Variants in AK8 observed in about 807,000 individuals in gnomAD.
The protein encoded by AK8 is adenylate kinase 8, also known as ATP-AMP transphosphorylase 8.
Under a neutral mutation model 54.6 loss-of-function variants are expected in AK8, and 44 were observed. The ratio of observed to expected loss-of-function variants is 0.81; its 90% confidence interval spans 0.63 to 1.04. The LOEUF is 1.04. Among genes scored for constraint, AK8 ranks in the 50% least tolerant of loss-of-function variants. The probability of loss-of-function intolerance (pLI) is 0.00; values close to 1 mark genes in which losing one functional copy is unlikely to be tolerated. For missense variants in AK8, 555 were observed against 613.6 expected, an observed-to-expected ratio of 0.90 and a Z score of 1.01; for synonymous variants, 239 against 245.6, an observed-to-expected ratio of 0.97 and a Z score of 0.25.
chr9:132,871,754 G>A (rs1185106156), intron 2 of AK8, among the ~76,000 whole-genome samples: 1 of 152,242 alleles, frequency 6.6e-6, no homozygotes, highest in African/African-American at 2.4e-5. Flanking sequence ...ACCTTCGGAT[G>A]AAGGGAAAGG....
At chr9:132,742,464 G>A (rs1249530785) in intron 11 of AK8, among the ~76,000 whole-genome samples, 1 of 152,178 alleles carries the variant, frequency 6.6e-6, no homozygotes, top group East Asian at 1.9e-4. Context: ...GAGCCACGGT[G>A]CTAGCCAACC....
rs1371552920 is a variant in AK8, at chr9:132,860,099, G to A, written c.333+3566C>T. On this transcript the variant is annotated intron_variant, in intron 4 of 12. Transcript: ENST00000298545. This position sits in a 1 kb window ranked among gnomAD's most constrained non-coding sequence, Gnocchi z 4.4. ...TCAGGGGAGCCAGTCGCCAGCCAATGACCTTGGCTGGTGTCCAGGGACAGC... is the reference window on the plus strand; with the variant it reads ...TCAGGGGAGCCAGTCGCCAGCCAATAACCTTGGCTGGTGTCCAGGGACAGC... Among the ~76,000 whole-genome samples, 1 of 152,094 alleles carries A rather than the reference G, an allele frequency of 6.6e-6. No individual in the cohort carries two copies. Among genetic ancestry groups the A allele is most frequent in the African/African-American group, 2.4e-5 (1 of 41,406 alleles).
intron 11 of AK8, among the ~76,000 whole-genome samples, chr9:132,758,783 T>C (rs778942028): frequency 2.6e-5 from 4 of 152,134 alleles, no homozygotes; most frequent in Non-Finnish European, 5.9e-5. Flanking sequence ...TTAGCAACTT[T>C]TTCTGTTTTT....
Position 132,792,614 on chromosome 9 carries a change from G to C in AK8, c.1121+20C>G. 1 of 1,548,664 alleles carries C rather than the reference G, an allele frequency of 6.5e-7. No homozygotes were observed. The highest frequency in any genetic ancestry group is 1.4e-5 in the African/African-American group (1 of 73,348). ...CCCAGGGGCTTGGCCAGGGCTGCTGGCTTGGCTGGGGCAGCTCACCTGTTG... is the reference window on the plus strand; with the variant it reads ...CCCAGGGGCTTGGCCAGGGCTGCTGCCTTGGCTGGGGCAGCTCACCTGTTG... On this transcript the variant is annotated intron_variant, in intron 11 of 12. Transcript: ENST00000298545.
At chr9:132,731,218 T>A (rs1836829028) in intron 11 of AK8, among the ~76,000 whole-genome samples, 1 of 152,250 alleles carries the variant, frequency 6.6e-6, no homozygotes, top group Middle Eastern at 3.2e-3. Flanking sequence ...TTGTGTGTTT[T>A]CAGCAGTGCC....
intron 1 of AK8, among the ~76,000 whole-genome samples, chr9:132,876,912 AC>A (rs199918653): frequency 0.016 from 2,412 of 152,036 alleles, 30 homozygotes; most frequent in Middle Eastern, 0.041. Context: ...TAAAAAAAAA[AC>A]ATTAGCCAGG....
At chr9:132,740,046 C>G (rs1250535844) in intron 11 of AK8, among the ~76,000 whole-genome samples, 3 of 152,256 alleles carry the variant, frequency 2.0e-5, no homozygotes, top group South Asian at 2.1e-4. Context: ...TAGTAAATTT[C>G]AAGCTGCCAA....
intron 9 of AK8, among the ~76,000 whole-genome samples, chr9:132,821,270 ACG>A (rs1564420672): frequency 6.6e-6 from 1 of 151,742 alleles, no homozygotes; most frequent in Non-Finnish European, 1.5e-5. Context: ...GTGCCCCTCC[ACG>A]CTCACTCTGT....
chr9:132,767,694 T>C (rs1245869587), intron 11 of AK8, among the ~76,000 whole-genome samples: 1 of 152,220 alleles, frequency 6.6e-6, no homozygotes, highest in Non-Finnish European at 1.5e-5. Flanking sequence ...AGCCAAGATA[T>C]GGAATCAACC....
At chr9:132,821,598 G>T (rs377664631) in intron 9 of AK8, among the ~76,000 whole-genome samples, 1 of 151,676 alleles carries the variant, frequency 6.6e-6, no homozygotes, top group Admixed American at 6.6e-5. Flanking sequence ...TGGTCTCAGT[G>T]GCTTTAGAAT....
intron 10 of AK8, among the ~76,000 whole-genome samples, chr9:132,798,198 G>A (rs530519623): frequency 3.3e-5 from 5 of 152,316 alleles, no homozygotes; most frequent in African/African-American, 1.2e-4. Flanking sequence ...ACGCAGGGTT[G>A]AGGAGTGAGG....
chr9:132,812,592 G>C (rs1228607641), intron 10 of AK8, among the ~76,000 whole-genome samples: 1 of 4,222 alleles, frequency 2.4e-4, no homozygotes, highest in African/African-American at 9.3e-4. Context: ...AAGAGCAGCA[G>C]CTGCCTGTGG....
chr9:132,735,143 G>T (rs774670561), intron 11 of AK8, among the ~76,000 whole-genome samples: 2 of 152,172 alleles, frequency 1.3e-5, no homozygotes, highest in African/African-American at 4.8e-5. Flanking sequence ...GAGCTGAGGG[G>T]TTCATACTCT....
rs1843620705 is a variant in AK8 at position 132,866,847 on chromosome 9, G to A, written c.219+57C>T. ...TTCACGGAGGTGCAGTCTCATTCCA[G>A]CTCTGGAGGATCAATGAGATATTAC... On this transcript the variant is annotated intron_variant, in intron 3 of 12. Transcript: ENST00000298545. The A allele has an allele frequency of 3.3e-6, 5 of 1,528,566 alleles. 1 individual carries two copies. The Admixed American group carries it at 6.7e-5, about 20-fold the overall frequency. The allele number at this position is 1,528,566 out of a possible 1,614,324, so 94.7% of individuals were successfully genotyped here. A position where few individuals can be genotyped will look rare whatever the true frequency, so the allele number is the denominator to read the frequency against.
At position 132,823,356 on chromosome 9, in the gene AK8, G is replaced by A; in HGVS notation, c.758-20C>T. Reference sequence around the variant, plus strand: ...TCAGAGCTGGAAAGAGAGGATATGAGGATAATAAACCCAGGTCCTAGAGAA... The same window carrying A: ...TCAGAGCTGGAAAGAGAGGATATGAAGATAATAAACCCAGGTCCTAGAGAA... On this transcript the variant is annotated intron_variant, in intron 8 of 12. Coordinates refer to ENST00000298545, the MANE Select transcript of AK8 (RefSeq NM_152572.3). 1.2e-6 allele frequency: 2 copies of A among 1,613,390 alleles called. No homozygotes were observed. Among genetic ancestry groups the A allele is most frequent in the Non-Finnish European group, 1.7e-6 (2 of 1,179,624 alleles).
In AK8 at chr9:132,770,874, G is replaced by A. The variant is rs1838945147; in HGVS notation, c.1121+21760C>T. On this transcript the variant is annotated intron_variant, in intron 11 of 12. Transcript: ENST00000298545. The surrounding 1 kb of genome is among the most constrained non-coding windows in gnomAD (Gnocchi z 4.3). ...CACCTTCTCTCAGGCCCAGCGGTGT[G>A]GGCCTCCCCAGTCAGGGAGATGCTT... 6.6e-6 allele frequency among the ~76,000 whole-genome samples: 1 copy of A among 152,160 alleles called. No homozygotes were observed. The highest frequency in any genetic ancestry group is 1.5e-5 in the Non-Finnish European group (1 of 68,028).
chr9:132,757,362 C>A (rs903754446), intron 11 of AK8, among the ~76,000 whole-genome samples: 1 of 152,196 alleles, frequency 6.6e-6, no homozygotes, highest in Admixed American at 6.5e-5. Flanking sequence ...CGCCATCTCA[C>A]GGCAGGTGAA....
intron 2 of AK8, among the ~76,000 whole-genome samples, chr9:132,871,383 G>T (rs1843824624): frequency 6.6e-6 from 1 of 152,214 alleles, no homozygotes; most frequent in Admixed American, 6.5e-5. Flanking sequence ...AGAAACCCAT[G>T]GGTGTCGCTC....
At chr9:132,750,652 G>A (rs1251596114) in intron 11 of AK8, among the ~76,000 whole-genome samples, 2 of 151,938 alleles carry the variant, frequency 1.3e-5, no homozygotes, top group East Asian at 3.8e-4. Flanking sequence ...TCAGATTCTA[G>A]CGCTTCAAAG....
Sources: allele counts gnomAD v4.1 joint callset (sites outside exome capture counted in the v4.1 genomes callset), GRCh38; gene constraint gnomAD v4.1.1; non-coding constraint Gnocchi (gnomAD v3.1); transcripts MANE v1.5; gene names NCBI Gene and HGNC (gene_info 2026-07-23, HGNC 2026-07-21).